Variants in STXBP5L observed in about 807,000 individuals in gnomAD.
STXBP5L encodes syntaxin-binding protein 5-like.
STXBP5L carries 65 observed loss-of-function variants against 144.5 expected under a neutral mutation model. That is an observed-to-expected ratio of 0.45 (90% CI 0.37 to 0.55). The LOEUF (loss-of-function observed/expected upper bound fraction) is 0.55, where lower values mean the gene tolerates loss of function less well. Ranked by LOEUF, STXBP5L falls within the 20% of genes least tolerant of loss-of-function variation. STXBP5L has a pLI of 0.00. For synonymous variants in STXBP5L, 505 were observed against 469.6 expected, an observed-to-expected ratio of 1.08 and a Z score of -0.97; for missense variants, 1,298 against 1,405.5, an observed-to-expected ratio of 0.92 and a Z score of 1.22.
intron 5 of STXBP5L, among the ~76,000 whole-genome samples, chr3:121,080,077 T>C (rs1169404540): frequency 6.6e-6 from 1 of 152,202 alleles, no homozygotes; most frequent in African/African-American, 2.4e-5. Context: ...TTATATAATG[T>C]CCTTCTTTGT....
intron 3 of STXBP5L, among the ~76,000 whole-genome samples, chr3:121,020,503 T>G (rs1298704089): frequency 6.6e-6 from 1 of 152,202 alleles, no homozygotes. Context: ...TCTTAAGAGC[T>G]GTGAGGCAAA....
At chr3:121,018,192 C>T (rs1272259362) in intron 3 of STXBP5L, among the ~76,000 whole-genome samples, 2 of 152,098 alleles carry the variant, frequency 1.3e-5, no homozygotes, top group Non-Finnish European at 2.9e-5. Flanking sequence ...AATTTAGTCC[C>T]AGCAAGTTAT....
At chr3:120,962,210 C>A (rs1352656480) in intron 3 of STXBP5L, among the ~76,000 whole-genome samples, 1 of 152,028 alleles carries the variant, frequency 6.6e-6, no homozygotes, top group African/African-American at 2.4e-5. Flanking sequence ...CAAAATTTTT[C>A]TTCCATTCTA....
intron 20 of STXBP5L, among the ~76,000 whole-genome samples, chr3:121,356,570 A>G (rs191463774): frequency 1.3e-5 from 2 of 152,314 alleles, no homozygotes; most frequent in East Asian, 1.9e-4. Flanking sequence ...GGGTGGGAGT[A>G]TCCCATTTTT....
intron 3 of STXBP5L, among the ~76,000 whole-genome samples, chr3:120,971,964 A>G (rs760260071): frequency 6.6e-6 from 1 of 151,940 alleles, no homozygotes; most frequent in African/African-American, 2.4e-5. Context: ...TGACTTTGCT[A>G]TTGTGGCCAG....
At chr3:121,166,208 G>A (rs1300386206) in intron 9 of STXBP5L, among the ~76,000 whole-genome samples, 1 of 151,960 alleles carries the variant, frequency 6.6e-6, no homozygotes, top group Non-Finnish European at 1.5e-5. Context: ...GTTTTCGAAT[G>A]TTGCCTGGGC....
intron 22 of STXBP5L, among the ~76,000 whole-genome samples, chr3:121,387,521 G>T (rs549606832): frequency 1.3e-5 from 2 of 152,150 alleles, no homozygotes; most frequent in South Asian, 4.2e-4. Flanking sequence ...TTTCTTCTAG[G>T]GTTTTTATGG....
chr3:121,228,327 T>C (rs562106988), intron 11 of STXBP5L, among the ~76,000 whole-genome samples: 3 of 152,258 alleles, frequency 2.0e-5, no homozygotes, highest in African/African-American at 7.2e-5. Context: ...ATGTGGTTCT[T>C]AGCAAGAGCA....
chr3:121,022,184 G>C (rs970334280), intron 3 of STXBP5L, among the ~76,000 whole-genome samples: 2 of 152,114 alleles, frequency 1.3e-5, no homozygotes, highest in African/African-American at 4.8e-5. Context: ...TGGATAAAGT[G>C]CTGGAAATAC....
chr3:121,101,422 G>A (rs1421913284), intron 5 of STXBP5L, among the ~76,000 whole-genome samples: 2 of 152,120 alleles, frequency 1.3e-5, no homozygotes, highest in African/African-American at 2.4e-5. Context: ...TTCCTGGGAT[G>A]CAAAGTTGAT....
At position 121,066,203 on chromosome 3, in the gene STXBP5L, C is replaced by T. The variant is rs373057346; in HGVS notation, c.470+20668C>T. 4.6e-5 allele frequency among the ~76,000 whole-genome samples: 7 copies of T among 152,148 alleles called. 1 individual carries two copies. The highest frequency in any genetic ancestry group is 1.4e-4 in the African/African-American group (6 of 41,496). ...CTATAGGCCTCCAGTACAGTACTGA[C>T]TAAAATGGAAAAGAACAGTGGTTTT... On this transcript the variant is annotated intron_variant, in intron 5 of 26. Coordinates refer to ENST00000471454, the MANE Select transcript of STXBP5L (RefSeq NM_001308330.2).
chr3:121,037,180 G>A (rs1422867417), intron 3 of STXBP5L, among the ~76,000 whole-genome samples: 1 of 151,116 alleles, frequency 6.6e-6, no homozygotes, highest in Admixed American at 6.6e-5. Flanking sequence ...CAATCATTCT[G>A]CTTTGGCTTC....
chr3:120,981,651 T>C (rs1941784839), intron 3 of STXBP5L, among the ~76,000 whole-genome samples: 1 of 152,218 alleles, frequency 6.6e-6, no homozygotes, highest in African/African-American at 2.4e-5. Flanking sequence ...TTTCATACCA[T>C]CCATATTTTG....
intron 20 of STXBP5L, among the ~76,000 whole-genome samples, chr3:121,351,629 A>G (rs1357320963): frequency 1.3e-5 from 2 of 152,094 alleles, no homozygotes; most frequent in African/African-American, 2.4e-5. Context: ...ATTTTCTCCC[A>G]TTTATATGGT....
chr3:120,936,568 CT>C (rs1284587691), intron 2 of STXBP5L, among the ~76,000 whole-genome samples: 3 of 150,966 alleles, frequency 2.0e-5, no homozygotes, highest in Non-Finnish European at 4.4e-5. Context: ...CTTCAGTTGT[CT>C]TTAGGTTCAC....
intron 22 of STXBP5L, among the ~76,000 whole-genome samples, chr3:121,402,251 G>A (rs1015302112): frequency 1.3e-5 from 2 of 152,148 alleles, no homozygotes; most frequent in African/African-American, 2.4e-5. Context: ...GAAGTCATAC[G>A]AAGTTTCTGT....
chr3:121,134,908 T>C (rs1054484794), intron 7 of STXBP5L, among the ~76,000 whole-genome samples: 1 of 152,222 alleles, frequency 6.6e-6, no homozygotes, highest in African/African-American at 2.4e-5. Context: ...TATAATCCTT[T>C]GGGTATATAC....
At chr3:121,155,216 A>G (rs1296293999) in intron 8 of STXBP5L, among the ~76,000 whole-genome samples, 4 of 151,816 alleles carry the variant, frequency 2.6e-5, no homozygotes, top group Admixed American at 6.6e-5. Context: ...ATTCCTCTTT[A>G]GTTAAATTTA....
chr3:121,301,080 GA>G lies in STXBP5L; in HGVS notation c.2111-17389del, dbSNP rs757462141. On this transcript the variant is annotated intron_variant, in intron 19 of 26. Coordinates refer to ENST00000471454, the MANE Select transcript of STXBP5L (RefSeq NM_001308330.2). Reference sequence around the variant, plus strand: ...TTAAAGTAGTTTTTTCCAATTCTGTGAAAAAAGTCATTGGTAGCCTGATGGG... The same window carrying G: ...TTAAAGTAGTTTTTTCCAATTCTGTGAAAAAGTCATTGGTAGCCTGATGGG... Among the ~76,000 whole-genome samples the G allele has an allele frequency of 1.2e-4, 18 of 152,052 alleles. No individual in the cohort carries two copies. The East Asian group carries it at 1.9e-3, about 16-fold the overall frequency.
Sources: gnomAD v4.1 joint callset for allele counts (sites outside exome capture counted in the v4.1 genomes callset) on GRCh38, gnomAD v4.1.1 for gene constraint, MANE v1.5 for transcripts, NCBI Gene and HGNC (gene_info 2026-07-23, HGNC 2026-07-21) for gene names.